The following CTNNA3 variants were observed in gnomAD, a reference collection of about 807,000 sequenced individuals.
CTNNA3 encodes the protein catenin alpha-3.
In CTNNA3, 76 loss-of-function variants were observed where a neutral mutation model predicts 95.7. The observed-to-expected ratio is 0.79, with a 90% CI of 0.66 to 0.96. The LOEUF is 0.96. Among genes scored for constraint, CTNNA3 ranks in the 40% least tolerant of loss-of-function variants. The pLI is 0.00. For synonymous variants in CTNNA3, 431 were observed against 374.4 expected (o/e 1.15, Z -1.74); for missense variants, 1,191 against 1,089.8 (o/e 1.09, Z -1.31).
At chr10:66,866,351 T>C (rs962936323) in intron 7 of CTNNA3, among the ~76,000 whole-genome samples, 2 of 152,248 alleles carry the variant, frequency 1.3e-5, no homozygotes, top group African/African-American at 4.8e-5. Context: ...AGAGATTAGG[T>C]CTTCACCTTT....
chr10:67,666,004 A>C (rs182970152), intron 1 of CTNNA3, among the ~76,000 whole-genome samples: 1 of 152,336 alleles, frequency 6.6e-6, no homozygotes, highest in East Asian at 1.9e-4. Flanking sequence ...CAGGTTACTT[A>C]AGAATATGCC....
intron 13 of CTNNA3, among the ~76,000 whole-genome samples, chr10:66,228,344 G>T (rs559007339): frequency 2.0e-5 from 3 of 151,744 alleles, no homozygotes; most frequent in Non-Finnish European, 4.4e-5. Flanking sequence ...GTATCTCACA[G>T]GTTTTGGTAT....
intron 15 of CTNNA3, among the ~76,000 whole-genome samples, chr10:66,037,134 A>G (rs1280722192): frequency 6.6e-6 from 1 of 151,972 alleles, no homozygotes; most frequent in Non-Finnish European, 1.5e-5. Context: ...GGCCTCCCAA[A>G]GTGCTGGGAT....
chr10:65,996,086 T>A (rs1394972110), intron 15 of CTNNA3, among the ~76,000 whole-genome samples: 1 of 152,120 alleles, frequency 6.6e-6, no homozygotes, highest in African/African-American at 2.4e-5. Flanking sequence ...TTTCTGGGAA[T>A]TGGGGTTATT....
chr10:66,225,390 AATATATATATATATAT>A (rs3053735), intron 13 of CTNNA3, among the ~76,000 whole-genome samples: 3 of 125,980 alleles, frequency 2.4e-5, no homozygotes, highest in African/African-American at 9.3e-5. Context: ...ATTTTATTCA[AATATATATATATATAT>A]ATATATATAT....
intron 5 of CTNNA3, among the ~76,000 whole-genome samples, chr10:67,292,284 C>T (rs534030859): frequency 6.6e-6 from 1 of 152,194 alleles, no homozygotes; most frequent in Admixed American, 6.5e-5. Context: ...ACGACATGCC[C>T]TGGGGAAGAG....
chr10:67,449,218 G>A (rs148490670), intron 5 of CTNNA3, among the ~76,000 whole-genome samples: 2,078 of 152,240 alleles, frequency 0.014, 14 homozygotes, highest in Non-Finnish European at 0.022. Flanking sequence ...CATGCTCATG[G>A]ATAGAAAGAA....
chr10:65,994,747 A>G lies in CTNNA3; in HGVS notation c.2160-5950T>C, dbSNP rs1275711938. Among the ~76,000 whole-genome samples, 9 of 152,108 alleles carry G rather than the reference A, an allele frequency of 5.9e-5. No individual in the cohort carries two copies. In the South Asian group the frequency reaches 1.4e-3, roughly 24 times the overall value. ...CATCATTTTACTAAATAGATTTTCT[A>G]TGGCTTTGGAATTCTCTTCAACTTC... On this transcript the variant is annotated intron_variant, in intron 15 of 17. Transcript: ENST00000433211.
At chr10:66,109,628 C>G (rs1564653498) in intron 13 of CTNNA3, among the ~76,000 whole-genome samples, 1 of 151,938 alleles carries the variant, frequency 6.6e-6, no homozygotes, top group Non-Finnish European at 1.5e-5. Context: ...TCCCATGAGC[C>G]AAGTTAAAAA....
rs187405767 is a variant in CTNNA3, at chr10:66,067,143, T to A, written c.2159+2165A>T. On this transcript the variant is annotated intron_variant, in intron 15 of 17. Coordinates refer to ENST00000433211, the MANE Select transcript of CTNNA3 (RefSeq NM_013266.4). ...TACTAGAATCCTTCTCCAAGGCAGG[T>A]CACAGAAGCCAGAACCCCTTTTCCC... Among the ~76,000 whole-genome samples, 296 of 152,250 alleles carry A rather than the reference T, an allele frequency of 1.9e-3. 2 individuals carry two copies. The highest frequency in any genetic ancestry group is 3.3e-3 in the Non-Finnish European group (226 of 68,024).
intron 13 of CTNNA3, among the ~76,000 whole-genome samples, chr10:66,180,002 A>T (rs1290490934): frequency 6.6e-6 from 1 of 152,194 alleles, no homozygotes; most frequent in Admixed American, 6.5e-5. Context: ...ATTTATAAAA[A>T]ATTAAGTTTG....
intron 12 of CTNNA3, among the ~76,000 whole-genome samples, chr10:66,296,546 T>A (rs1336879636): frequency 6.6e-6 from 1 of 151,764 alleles, no homozygotes; most frequent in African/African-American, 2.4e-5. Flanking sequence ...CACACACATG[T>A]GTGTGCATGC....
chr10:67,562,480 G>C (rs1157572167), intron 3 of CTNNA3, among the ~76,000 whole-genome samples: 1 of 152,046 alleles, frequency 6.6e-6, no homozygotes, highest in Non-Finnish European at 1.5e-5. Flanking sequence ...GTATTGATGG[G>C]ACATATCTCA....
chr10:67,433,566 C>A (rs1349188218), intron 5 of CTNNA3, among the ~76,000 whole-genome samples: 5 of 151,918 alleles, frequency 3.3e-5, no homozygotes, highest in Non-Finnish European at 7.4e-5. Flanking sequence ...AAGTAAAGCA[C>A]AATAAAACGA....
In CTNNA3 at chr10:66,741,429, C is replaced by T. The variant is rs111334062; in HGVS notation, c.1281+24835G>A. 2.5e-3 allele frequency among the ~76,000 whole-genome samples: 379 copies of T among 152,234 alleles called. 1 individual carries two copies. The highest frequency in any genetic ancestry group is 8.4e-3 in the African/African-American group (349 of 41,540). ...TACCAGCAAGAGTGAGGGGAGGCCTCACAGAGCAATTTATATAAGGCTGGG... is the reference window on the plus strand; with the variant it reads ...TACCAGCAAGAGTGAGGGGAGGCCTTACAGAGCAATTTATATAAGGCTGGG... On this transcript the variant is annotated intron_variant, in intron 9 of 17. Transcript: ENST00000433211.
At chr10:67,364,709 C>G (rs1472752933) in intron 5 of CTNNA3, among the ~76,000 whole-genome samples, 1 of 151,908 alleles carries the variant, frequency 6.6e-6, no homozygotes, top group African/African-American at 2.4e-5. Flanking sequence ...AAACCACTGC[C>G]CAACAAAATA....
At chr10:67,189,435 T>C (rs1285396760) in intron 6 of CTNNA3, among the ~76,000 whole-genome samples, 1 of 152,072 alleles carries the variant, frequency 6.6e-6, no homozygotes, top group East Asian at 1.9e-4. Flanking sequence ...AATAATAATG[T>C]ACTGTGTACT....
chr10:67,593,195 A>G (rs999173934), intron 3 of CTNNA3, among the ~76,000 whole-genome samples: 3 of 152,156 alleles, frequency 2.0e-5, no homozygotes, highest in African/African-American at 7.2e-5. Context: ...TATACATGGT[A>G]CATTTTCTTT....
intron 5 of CTNNA3, among the ~76,000 whole-genome samples, chr10:67,429,947 A>G (rs1846054762): frequency 6.6e-6 from 1 of 152,020 alleles, no homozygotes; most frequent in Admixed American, 6.6e-5. Context: ...GACACAAACC[A>G]AAGAATCATC....
Sources: allele counts gnomAD v4.1 joint callset (sites outside exome capture counted in the v4.1 genomes callset), GRCh38; gene constraint gnomAD v4.1.1; transcripts MANE v1.5; gene names NCBI Gene and HGNC (gene_info 2026-07-23, HGNC 2026-07-21).